TRIO: variants seen among roughly 807,000 people sequenced by gnomAD.
TRIO encodes triple functional domain protein.
A neutral mutation model predicts 351.9 loss-of-function variants in TRIO; 58 were observed. The observed-to-expected ratio is 0.16, with a 90% CI of 0.13 to 0.21. TRIO has a LOEUF of 0.21. Among genes scored for constraint, TRIO ranks in the 10% least tolerant of loss-of-function variants. TRIO has a pLI of 1.00. For synonymous variants in TRIO, 1,758 were observed against 1,595.7 expected (o/e 1.10, Z -2.42); for missense variants, 3,201 against 4,027.8 (o/e 0.79, Z 5.56).
At chr5:14,300,870 A>G (rs1737813528) in intron 7 of TRIO, among the ~76,000 whole-genome samples, 2 of 152,246 alleles carry the variant, frequency 1.3e-5, no homozygotes, top group African/African-American at 4.8e-5. Flanking sequence ...TAGAATTAAC[A>G]TTTATTATAA....
At chr5:14,159,101 G>A (rs140964717) in intron 1 of TRIO, among the ~76,000 whole-genome samples, 2 of 152,236 alleles carry the variant, frequency 1.3e-5, no homozygotes, top group African/African-American at 4.8e-5. Flanking sequence ...GCCTGTGCTG[G>A]TGTCTCCTAC....
At chr5:14,489,365 G>A (rs2126646463) in intron 48 of TRIO, among the ~76,000 whole-genome samples, 1 of 152,340 alleles carries the variant, frequency 6.6e-6, no homozygotes, top group East Asian at 1.9e-4. Context: ...CGCTGTCATG[G>A]CCACCGTACT....
chr5:14,236,168 A>G (rs1793755607), intron 1 of TRIO, among the ~76,000 whole-genome samples: 1 of 152,166 alleles, frequency 6.6e-6, no homozygotes, highest in South Asian at 2.1e-4. Flanking sequence ...CAGTAAAATA[A>G]AGCCTCCCCA....
intron 1 of TRIO, among the ~76,000 whole-genome samples, chr5:14,176,432 C>T (rs1408598555): frequency 3.3e-5 from 5 of 151,998 alleles, no homozygotes; most frequent in Non-Finnish European, 5.9e-5. Flanking sequence ...ATCGCGCCAC[C>T]GCACCCCAGC....
At chr5:14,159,321 CAAAAAAA>C in intron 1 of TRIO, among the ~76,000 whole-genome samples, 1 of 140,486 alleles carries the variant, frequency 7.1e-6, no homozygotes. Context: ...AAATCGCAGT[CAAAAAAA>C]AAAAAAAAGA....
chr5:14,240,474 C>T (rs1794061716), intron 1 of TRIO, among the ~76,000 whole-genome samples: 1 of 152,168 alleles, frequency 6.6e-6, no homozygotes, highest in Admixed American at 6.5e-5. Flanking sequence ...TTTTACATCA[C>T]AGCAGATTTT....
At chr5:14,248,601 AGGGG>A (rs1794571377) in intron 1 of TRIO, among the ~76,000 whole-genome samples, 1 of 152,176 alleles carries the variant, frequency 6.6e-6, no homozygotes, top group Non-Finnish European at 1.5e-5. Context: ...CAGTTTCCTG[AGGGG>A]AGCCCCTTGC....
chr5:14,462,934 G>C lies in TRIO; in HGVS notation c.5667+9G>C. The C allele has an allele frequency of 1.3e-6, 2 of 1,574,522 alleles. No individual in the cohort carries two copies. Among genetic ancestry groups the C allele is most frequent in the Non-Finnish European group, 1.7e-6 (2 of 1,161,940 alleles). Reference sequence around the variant, plus strand: ...ACTCACAGGATGACAAGGTAAAGGGGGATGAGGGCTGGGGAATCCATGCCT... The same window carrying C: ...ACTCACAGGATGACAAGGTAAAGGGCGATGAGGGCTGGGGAATCCATGCCT... On this transcript the variant is annotated intron_variant, in intron 36 of 56. Coordinates refer to ENST00000344204, the MANE Select transcript of TRIO (RefSeq NM_007118.4).
At chr5:14,323,771 G>C (rs1158695974) in intron 9 of TRIO, among the ~76,000 whole-genome samples, 1 of 152,232 alleles carries the variant, frequency 6.6e-6, no homozygotes, top group African/African-American at 2.4e-5. Context: ...GTGTGAGCTA[G>C]ACTAACACAG....
At chr5:14,268,229 C>T (rs1019000712) in intron 1 of TRIO, among the ~76,000 whole-genome samples, 2 of 152,202 alleles carry the variant, frequency 1.3e-5, no homozygotes, top group Non-Finnish European at 2.9e-5. Context: ...GTTTTCTGCA[C>T]CCTACTTTCA....
chr5:14,482,567 T>C lies in TRIO; in HGVS notation c.6466-15T>C. 1.4e-6 allele frequency: 2 copies of C among 1,426,798 alleles called. No homozygotes were observed. The highest frequency in any genetic ancestry group is 1.6e-5 in the South Asian group (1 of 60,804). 88.4% of individuals were successfully genotyped at this position (1,426,798 alleles called of 1,614,324 possible). A position where few individuals can be genotyped will look rare whatever the true frequency, so the allele number is the denominator to read the frequency against. On this transcript the variant is annotated splice_polypyrimidine_tract_variant and intron_variant, in intron 45 of 56. Coordinates refer to ENST00000344204, the MANE Select transcript of TRIO (RefSeq NM_007118.4). ...TCTTCTCCCCTTCCTTTTCCCCCTT[T>C]ATTTCTTGTTTTAGGGGAAAATCGT...
In TRIO at chr5:14,507,497, C is replaced by T. The variant is rs79922017; in HGVS notation, c.8751+237C>T. Among the ~76,000 whole-genome samples, 836 of 152,320 alleles carry T rather than the reference C, an allele frequency of 5.5e-3. 9 individuals carry two copies. Among genetic ancestry groups the T allele is most frequent in the African/African-American group, 0.019 (784 of 41,576 alleles). ...CCGGAGCCCTCCCAGCCTTCCACGACTTTCAGAAAGTCCCCATGAGTTTTG... is the reference window on the plus strand; with the variant it reads ...CCGGAGCCCTCCCAGCCTTCCACGATTTTCAGAAAGTCCCCATGAGTTTTG... On this transcript the variant is annotated intron_variant, in intron 56 of 56. Coordinates refer to ENST00000344204, the MANE Select transcript of TRIO (RefSeq NM_007118.4).
At chr5:14,184,834 T>C (rs1186029678) in intron 1 of TRIO, among the ~76,000 whole-genome samples, 3 of 152,168 alleles carry the variant, frequency 2.0e-5, no homozygotes, top group African/African-American at 4.8e-5. Context: ...GCCACTGCTG[T>C]GCTTCCCTCC....
intron 6 of TRIO, among the ~76,000 whole-genome samples, chr5:14,294,880 TA>T (rs1737209512): frequency 6.6e-6 from 1 of 152,232 alleles, no homozygotes; most frequent in South Asian, 2.1e-4. Flanking sequence ...AAGATGCAGT[TA>T]AAGCAGGTAA....
intron 1 of TRIO, among the ~76,000 whole-genome samples, chr5:14,209,736 A>G (rs1791765090): frequency 6.6e-6 from 1 of 152,248 alleles, no homozygotes; most frequent in Non-Finnish European, 1.5e-5. Context: ...CTTTCATTAA[A>G]TGCTTTAAAA....
intron 1 of TRIO, among the ~76,000 whole-genome samples, chr5:14,245,407 A>G (rs1794375543): frequency 6.6e-6 from 1 of 152,178 alleles, no homozygotes; most frequent in South Asian, 2.1e-4. Context: ...AAAGTTTCTT[A>G]TTCAGGGGAG....
intron 48 of TRIO, among the ~76,000 whole-genome samples, chr5:14,491,835 G>A (rs1756510335): frequency 1.3e-5 from 2 of 152,296 alleles, no homozygotes; most frequent in East Asian, 1.9e-4. Context: ...CACCTGGGGC[G>A]AGTGGCACTG....
intron 11 of TRIO, among the ~76,000 whole-genome samples, chr5:14,339,603 C>T (rs80322508): frequency 0.097 from 14,717 of 152,168 alleles, 785 homozygotes; most frequent in Non-Finnish European, 0.12. Flanking sequence ...GTGCACGTCA[C>T]GTAACCTGGG....
intron 1 of TRIO, among the ~76,000 whole-genome samples, chr5:14,232,266 G>A (rs902378122): frequency 3.3e-5 from 5 of 152,120 alleles, no homozygotes; most frequent in African/African-American, 1.2e-4. Context: ...TCCTGCCATA[G>A]CCTCCGTTCC....
Sources: gnomAD v4.1 joint callset for allele counts (sites outside exome capture counted in the v4.1 genomes callset) on GRCh38, gnomAD v4.1.1 for gene constraint, MANE v1.5 for transcripts, NCBI Gene and HGNC (gene_info 2026-07-23, HGNC 2026-07-21) for gene names.